Variants in MALRD1 observed in about 807,000 individuals in gnomAD.
MALRD1 encodes MAM and LDL receptor class A domain containing 1, also known as MAM and LDL-receptor class A domain-containing protein 1.
A neutral mutation model predicts 242.1 loss-of-function variants in MALRD1; 247 were observed. The ratio of observed to expected loss-of-function variants is 1.02; its 90% CI spans 0.92 to 1.13. MALRD1 has a LOEUF of 1.13. Among genes scored for constraint, MALRD1 ranks in the 50% most tolerant of loss-of-function variants. The pLI is 0.00. For missense variants in MALRD1, 2,989 were observed against 2,533.1 expected, an observed-to-expected ratio of 1.18 and a Z score of -3.86; for synonymous variants, 995 against 866.6, an observed-to-expected ratio of 1.15 and a Z score of -2.60.
chr10:19,535,704 A>T (rs543798151), intron 32 of MALRD1, among the ~76,000 whole-genome samples: 9 of 152,154 alleles, frequency 5.9e-5, no homozygotes, highest in African/African-American at 1.7e-4. Context: ...CGTATTTTAT[A>T]ATTTTTCTAC....
chr10:19,307,902 G>T (rs555026806), intron 21 of MALRD1, among the ~76,000 whole-genome samples: 6 of 151,496 alleles, frequency 4.0e-5, no homozygotes, highest in Admixed American at 1.3e-4. Flanking sequence ...TAAAAATTTT[G>T]TGGGTCCATA....
chr10:19,596,651 G>C (rs911649794), intron 34 of MALRD1, among the ~76,000 whole-genome samples: 3 of 151,884 alleles, frequency 2.0e-5, no homozygotes. Flanking sequence ...GGATTGCTTG[G>C]GCCCAGGAGT....
At chr10:19,314,879 G>A (rs1455474338) in intron 21 of MALRD1, among the ~76,000 whole-genome samples, 2 of 151,050 alleles carry the variant, frequency 1.3e-5, no homozygotes, top group South Asian at 2.1e-4. Flanking sequence ...TGATCGTTAG[G>A]TATAAGTGTT....
At chr10:19,476,770 C>G (rs971358527) in intron 29 of MALRD1, among the ~76,000 whole-genome samples, 14 of 152,244 alleles carry the variant, frequency 9.2e-5, no homozygotes, top group African/African-American at 3.1e-4. Context: ...TTTTACAACA[C>G]TCTAATTATG....
intron 22 of MALRD1, among the ~76,000 whole-genome samples, chr10:19,325,874 C>T (rs1286895880): frequency 1.3e-5 from 2 of 152,116 alleles, no homozygotes; most frequent in Admixed American, 6.6e-5. Context: ...CTAGGTCATA[C>T]GTTTTCCGAA....
intron 18 of MALRD1, among the ~76,000 whole-genome samples, chr10:19,222,096 G>T (rs1240963673): frequency 6.6e-6 from 1 of 151,606 alleles, no homozygotes; most frequent in Non-Finnish European, 1.5e-5. Context: ...TCCCTCCCTT[G>T]CTCCCTCCAT....
At chr10:19,298,785 C>G (rs1841821755) in intron 21 of MALRD1, among the ~76,000 whole-genome samples, 2 of 151,894 alleles carry the variant, frequency 1.3e-5, no homozygotes, top group South Asian at 4.1e-4. Context: ...CCTCAAAGCA[C>G]AACTTTAATC....
chr10:19,356,219 T>C (rs899144010), intron 26 of MALRD1, among the ~76,000 whole-genome samples: 2 of 151,972 alleles, frequency 1.3e-5, no homozygotes, highest in Non-Finnish European at 2.9e-5. Context: ...AACATCTTTC[T>C]TGGAGAGGTA....
At chr10:19,469,862 CA>C (rs1836408057) in intron 29 of MALRD1, among the ~76,000 whole-genome samples, 1 of 152,028 alleles carries the variant, frequency 6.6e-6, no homozygotes, top group Admixed American at 6.6e-5. Context: ...GATAAGTATA[CA>C]CTCATGAAAA....
At chr10:19,556,079 C>G (rs1331076893) in intron 32 of MALRD1, among the ~76,000 whole-genome samples, 1 of 152,130 alleles carries the variant, frequency 6.6e-6, no homozygotes, top group Non-Finnish European at 1.5e-5. Context: ...CATTTCTGTA[C>G]TGTGTATTTT....
Position 19,243,210 on chromosome 10 carries a change from C to CT in MALRD1, c.2992-14474_2992-14473insT, listed in dbSNP as rs1564497192. Among the ~76,000 whole-genome samples, 19 of 150,922 alleles carry CT rather than the reference C, an allele frequency of 1.3e-4. No homozygotes were observed. In the Middle Eastern group the frequency reaches 0.01, roughly 82 times the overall value. ...ATAAAAATACTCTTGACTTCTCCCC[C>CT]GCCACACACACAATTTATATTTTTG... On this transcript the variant is annotated intron_variant, in intron 18 of 39. Coordinates refer to ENST00000454679, the MANE Select transcript of MALRD1 (RefSeq NM_001142308.3).
intron 29 of MALRD1, among the ~76,000 whole-genome samples, chr10:19,477,317 A>G (rs1836783087): frequency 6.6e-6 from 1 of 152,202 alleles, no homozygotes; most frequent in African/African-American, 2.4e-5. Flanking sequence ...ATAATATTCA[A>G]AACTCCATAA....
chr10:19,581,940 G>T (rs1399888900), intron 33 of MALRD1, among the ~76,000 whole-genome samples: 1 of 152,160 alleles, frequency 6.6e-6, no homozygotes, highest in East Asian at 1.9e-4. Context: ...GTATCTCATT[G>T]TGGTTTTGAT....
At chr10:19,424,344 G>C (rs1184618188) in intron 28 of MALRD1, among the ~76,000 whole-genome samples, 1 of 152,058 alleles carries the variant, frequency 6.6e-6, no homozygotes, top group Non-Finnish European at 1.5e-5. Context: ...ATTTTTAGTA[G>C]AGATGGGGTT....
intron 29 of MALRD1, among the ~76,000 whole-genome samples, chr10:19,477,555 A>G (rs1327542836): frequency 6.6e-6 from 1 of 152,188 alleles, no homozygotes; most frequent in Non-Finnish European, 1.5e-5. Context: ...CCTGGGGTTC[A>G]TTGTCTCATG....
chr10:19,079,731 C>T (rs1835424475), intron 2 of MALRD1, among the ~76,000 whole-genome samples: 4 of 151,620 alleles, frequency 2.6e-5, no homozygotes, highest in African/African-American at 7.3e-5. Context: ...TATAAAATGC[C>T]CTGCTTTGTC....
chr10:19,492,172 CAT>C (rs778907399), intron 30 of MALRD1, among the ~76,000 whole-genome samples: 4 of 151,976 alleles, frequency 2.6e-5, no homozygotes, highest in Non-Finnish European at 4.4e-5. Flanking sequence ...TGTTTAAAAA[CAT>C]ATATAAAACT....
At position 19,687,117 on chromosome 10, in the gene MALRD1, C is replaced by T. The variant is rs554140369; in HGVS notation, c.6138-5165C>T. Among the ~76,000 whole-genome samples the T allele has an allele frequency of 5.3e-5, 8 of 151,958 alleles. No homozygotes were observed. The South Asian group carries it at 1.7e-3, about 32-fold the overall frequency. Reference sequence around the variant, plus strand: ...AATAAGATGGCCAAAGTAATTACATCGTATCTAACATTTTTTTTCTTCTTG... The same window carrying T: ...AATAAGATGGCCAAAGTAATTACATTGTATCTAACATTTTTTTTCTTCTTG... On this transcript the variant is annotated intron_variant, in intron 36 of 39. Coordinates refer to ENST00000454679, the MANE Select transcript of MALRD1 (RefSeq NM_001142308.3).
chr10:19,547,804 ATATATATATATATATTTT>A (rs1221449301), intron 32 of MALRD1, among the ~76,000 whole-genome samples: 5 of 13,308 alleles, frequency 3.8e-4, no homozygotes, highest in Non-Finnish European at 6.7e-4. Context: ...ATATATATAT[ATATATATATATATATTTT>A]TTTTTTTTTT....
Sources: allele counts gnomAD v4.1 joint callset (sites outside exome capture counted in the v4.1 genomes callset), GRCh38; gene constraint gnomAD v4.1.1; transcripts MANE v1.5; gene names NCBI Gene and HGNC (gene_info 2026-07-23, HGNC 2026-07-21).